The following ADGRL4 variants were observed in gnomAD, a reference collection of about 807,000 sequenced individuals.
ADGRL4 encodes the protein adhesion G protein-coupled receptor L4.
ADGRL4 carries 90 observed loss-of-function variants against 74.8 expected under a neutral mutation model. That is an observed-to-expected ratio of 1.20 (90% CI 1.02 to 1.43). ADGRL4 has a LOEUF of 1.43. Ranked by LOEUF, ADGRL4 falls within the 40% of genes most tolerant of loss-of-function variation. The pLI is 0.00. For missense variants in ADGRL4, 881 were observed against 814.3 expected (o/e 1.08, Z -1.00); for synonymous variants, 311 against 279.2 (o/e 1.11, Z -1.14).
intron 12 of ADGRL4, among the ~76,000 whole-genome samples, chr1:78,898,732 C>A (rs562819725): frequency 1.3e-5 from 2 of 152,114 alleles, no homozygotes; most frequent in Admixed American, 1.3e-4. Flanking sequence ...AATTTAAAGT[C>A]ATTTTTTGTT....
At chr1:78,927,459 T>C (rs1487140950) in intron 7 of ADGRL4, among the ~76,000 whole-genome samples, 1 of 152,140 alleles carries the variant, frequency 6.6e-6, no homozygotes, top group African/African-American at 2.4e-5. Flanking sequence ...TATAAATATA[T>C]GAACTTAAGA....
At chr1:78,979,360 G>A (rs186833156) in intron 2 of ADGRL4, among the ~76,000 whole-genome samples, 3 of 151,724 alleles carry the variant, frequency 2.0e-5, no homozygotes, top group East Asian at 3.9e-4. Context: ...TCTTCTATTC[G>A]CACCCTGTAG....
At chr1:78,947,381 ACAG>A (rs1421085662) in intron 2 of ADGRL4, among the ~76,000 whole-genome samples, 1 of 152,208 alleles carries the variant, frequency 6.6e-6, no homozygotes, top group Non-Finnish European at 1.5e-5. Flanking sequence ...CTTTGTGAAG[ACAG>A]AGGCAGAGAC....
chr1:78,986,134 G>T (rs780440296), intron 2 of ADGRL4, among the ~76,000 whole-genome samples: 2 of 151,470 alleles, frequency 1.3e-5, no homozygotes, highest in African/African-American at 2.4e-5. Flanking sequence ...CACAATTTAC[G>T]TATATAACAA....
rs753396764 is a variant in ADGRL4, at chr1:78,946,449, G to T, written c.173-23C>A. On this transcript the variant is annotated intron_variant, in intron 2 of 14. Coordinates refer to ENST00000370742, the MANE Select transcript of ADGRL4 (RefSeq NM_022159.4). ...CATCTGTTGGCATATGAATTTAAAAGATTATTTTTATATAATTGACATAAA... is the reference window on the plus strand; with the variant it reads ...CATCTGTTGGCATATGAATTTAAAATATTATTTTTATATAATTGACATAAA... 24 of 1,564,628 alleles carry T rather than the reference G, an allele frequency of 1.5e-5. No individual in the cohort carries two copies. In the African/African-American group the frequency reaches 2.4e-4, roughly 15 times the overall value.
rs193128635 is a variant in ADGRL4, at chr1:78,985,566, G to A, written c.172+19504C>T. ...TTCCTCCAATGGTAATTTGAGATTTGTTAATAACTATTGCATAATCTCTCA... is the reference window on the plus strand; with the variant it reads ...TTCCTCCAATGGTAATTTGAGATTTATTAATAACTATTGCATAATCTCTCA... On this transcript the variant is annotated intron_variant, in intron 2 of 14. Coordinates refer to ENST00000370742, the MANE Select transcript of ADGRL4 (RefSeq NM_022159.4). Among the ~76,000 whole-genome samples, 32 of 151,892 alleles carry A rather than the reference G, an allele frequency of 2.1e-4. No homozygotes were observed. The East Asian group carries it at 5.6e-3, about 27-fold the overall frequency.
intron 2 of ADGRL4, among the ~76,000 whole-genome samples, chr1:78,957,129 C>T (rs1310502272): frequency 1.3e-5 from 2 of 152,126 alleles, no homozygotes; most frequent in Non-Finnish European, 2.9e-5. Context: ...ATAAATGTTG[C>T]GTGTTCTGAC....
intron 7 of ADGRL4, among the ~76,000 whole-genome samples, chr1:78,931,504 A>G (rs1649241267): frequency 6.6e-6 from 1 of 151,392 alleles, no homozygotes; most frequent in Non-Finnish European, 1.5e-5. Context: ...CAATGACACT[A>G]TGAAGAAACC....
At chr1:78,990,865 T>C (rs745360593) in intron 2 of ADGRL4, among the ~76,000 whole-genome samples, 6 of 151,974 alleles carry the variant, frequency 3.9e-5, no homozygotes, top group Non-Finnish European at 5.9e-5. Context: ...TCTTCAGAAC[T>C]TATCCTCCAT....
intron 2 of ADGRL4, among the ~76,000 whole-genome samples, chr1:78,951,715 A>G (rs542541809): frequency 6.6e-6 from 1 of 152,352 alleles, no homozygotes; most frequent in South Asian, 2.1e-4. Context: ...AGGAAACTAA[A>G]GCTCAGATGG....
chr1:78,935,402 G>T (rs528326763), intron 7 of ADGRL4, among the ~76,000 whole-genome samples: 1 of 151,996 alleles, frequency 6.6e-6, no homozygotes, highest in African/African-American at 2.4e-5. Flanking sequence ...AGGGCCTGCT[G>T]GGGAGTGGGG....
intron 2 of ADGRL4, among the ~76,000 whole-genome samples, chr1:78,950,324 T>G (rs900988559): frequency 1.3e-5 from 2 of 152,062 alleles, no homozygotes; most frequent in Non-Finnish European, 2.9e-5. Flanking sequence ...TGTCAGACAC[T>G]GGGCAGGAGG....
chr1:78,952,251 C>T (rs567401946), intron 2 of ADGRL4, among the ~76,000 whole-genome samples: 3 of 149,512 alleles, frequency 2.0e-5, no homozygotes, highest in East Asian at 4.0e-4. Flanking sequence ...TAAACTTGAA[C>T]ACTAAAATGA....
chr1:78,939,497 A>C (rs946758320), intron 3 of ADGRL4, among the ~76,000 whole-genome samples: 5 of 152,028 alleles, frequency 3.3e-5, no homozygotes, highest in Non-Finnish European at 1.5e-5. Context: ...GATTAAATTA[A>C]AAAAAATAGG....
At chr1:78,894,570 A>G (rs1648354718) in intron 12 of ADGRL4, among the ~76,000 whole-genome samples, 1 of 151,812 alleles carries the variant, frequency 6.6e-6, no homozygotes, top group Non-Finnish European at 1.5e-5. Context: ...ATACTCATGA[A>G]ACTGGAATAC....
chr1:78,988,654 T>C (rs999662592), intron 2 of ADGRL4, among the ~76,000 whole-genome samples: 3 of 151,828 alleles, frequency 2.0e-5, no homozygotes, highest in Admixed American at 6.6e-5. Context: ...TCTCAACCAG[T>C]TTCTGTCAAT....
chr1:78,989,890 T>A (rs1328974477), intron 2 of ADGRL4, among the ~76,000 whole-genome samples: 1 of 151,928 alleles, frequency 6.6e-6, no homozygotes, highest in Admixed American at 6.6e-5. Context: ...CTATTTACAA[T>A]CCACAGATGT....
chr1:78,921,872 T>C (rs1649009638), intron 8 of ADGRL4, 86 bp from the exon 9 acceptor site: 1 of 717,430 alleles, frequency 1.4e-6, no homozygotes, highest in South Asian at 5.6e-5. Context: ...ACCACTAATG[T>C]GATTGAAACA....
intron 12 of ADGRL4, among the ~76,000 whole-genome samples, chr1:78,912,725 G>C (rs1273134348): frequency 6.6e-6 from 1 of 151,634 alleles, no homozygotes; most frequent in Non-Finnish European, 1.5e-5. Context: ...TTATAAACAG[G>C]ACCTGAGGCT....
Sources: gnomAD v4.1 joint callset for allele counts (sites outside exome capture counted in the v4.1 genomes callset) on GRCh38, gnomAD v4.1.1 for gene constraint, MANE v1.5 for transcripts, NCBI Gene and HGNC (gene_info 2026-07-23, HGNC 2026-07-21) for gene names.